COG1: variants seen among roughly 807,000 people sequenced by gnomAD.
COG1 encodes component of oligomeric golgi complex 1.
COG1 carries 61 observed loss-of-function variants against 102.2 expected under a neutral mutation model. That is an observed-to-expected ratio of 0.60 (90% CI 0.49 to 0.74). COG1 has a LOEUF of 0.74. COG1 is among the 30% of genes least tolerant of loss of function. The probability of loss-of-function intolerance (pLI) is 0.00; values close to 1 mark genes in which losing one functional copy is unlikely to be tolerated. For synonymous variants in COG1, 454 were observed against 493.6 expected (o/e 0.92, Z 1.06); for missense variants, 1,164 against 1,232.1 (o/e 0.94, Z 0.83).
intron 1 of COG1, among the ~76,000 whole-genome samples, chr17:73,195,630 A>G (rs1443317167): frequency 2.0e-5 from 3 of 151,224 alleles, no homozygotes; most frequent in Middle Eastern, 3.4e-3. Flanking sequence ...AAAAAAAAAA[A>G]AGGCTGGGCG....
chr17:73,203,064 C>T lies in COG1; in HGVS notation c.2138C>T (p.Ala713Val). 1 of 1,614,172 alleles carries T rather than the reference C, an allele frequency of 6.2e-7. No individual in the cohort carries two copies. The highest frequency in any genetic ancestry group is 1.3e-5 in the African/African-American group (1 of 75,048). ...LDDAGSVLAT[A>V]TSWDELEIQE... is the part of the protein sequence containing the mutation. ...GATGCTGGCTCAGTTCTGGCCACAG[C>T]CACCAGCTGGGATGAGCTAGAAATT... The change falls in exon 8 of 14, where the codon GCC (alanine) becomes GTC (valine). Residue 713 changes from alanine to valine, a missense_variant. Physicochemically the swap from Ala to Val is moderately conservative, Grantham distance 64. Coordinates refer to ENST00000299886, the MANE Select transcript of COG1 (RefSeq NM_018714.3).
At chr17:73,195,742 G>T (rs2061322806) in intron 1 of COG1, among the ~76,000 whole-genome samples, 1 of 152,108 alleles carries the variant, frequency 6.6e-6, no homozygotes, top group South Asian at 2.1e-4. Context: ...GTAAAACCCT[G>T]TCTCTACTGA....
chr17:73,200,909 G>T, intron 6 of COG1, 133 bp downstream of exon 6: 1 of 976,390 alleles, frequency 1.0e-6, no homozygotes, highest in Non-Finnish European at 1.6e-6. Flanking sequence ...GTCTAGAGCT[G>T]AAAATACACC....
chr17:73,203,258 CT>C, intron 8 of COG1, 112 bp downstream of exon 8: 1 of 1,361,742 alleles, frequency 7.3e-7, no homozygotes, highest in East Asian at 2.5e-5. Context: ...AAAGTAACAT[CT>C]GTAATTTTCT....
chr17:73,195,607 C>T (rs2061322053), intron 1 of COG1, among the ~76,000 whole-genome samples: 1 of 142,142 alleles, frequency 7.0e-6, no homozygotes, highest in Non-Finnish European at 1.5e-5. Flanking sequence ...AAGTGAGATG[C>T]TGTCCCAAAA....
At chr17:73,208,235 G>C (rs986678621) in intron 13 of COG1, 79 bp from the exon 14 acceptor site, 1 of 1,607,256 alleles carries the variant, frequency 6.2e-7, no homozygotes, top group Non-Finnish European at 8.5e-7. Flanking sequence ...TGTGGACTCC[G>C]AGTGGCGTCG....
At chr17:73,203,197 G>A in intron 8 of COG1, 51 bp downstream of exon 8, 4 of 1,603,336 alleles carry the variant, frequency 2.5e-6, no homozygotes, top group Non-Finnish European at 3.4e-6. Flanking sequence ...CCGTGGAAAA[G>A]AAGAAAGATT....
Position 73,205,549 on chromosome 17 carries a change from G to A in COG1, c.2383-4G>A, listed in dbSNP as rs1171392380. The A allele has an allele frequency of 3.7e-6, 6 of 1,613,972 alleles. No individual in the cohort carries two copies. Among genetic ancestry groups the A allele is most frequent in the African/African-American group, 1.3e-5 (1 of 74,914 alleles). ...ATGGGTGGGGACTGGGAATTCATTT[G>A]CAGAAAGAAGGTGCATTTCCAGTCA... On this transcript the variant is annotated splice_region_variant and splice_polypyrimidine_tract_variant and intron_variant, in intron 9 of 13. Coordinates refer to ENST00000299886, the MANE Select transcript of COG1 (RefSeq NM_018714.3).
chr17:73,203,323 G>A, intron 8 of COG1, 177 bp downstream of exon 8: 1 of 837,270 alleles, frequency 1.2e-6, no homozygotes, highest in Non-Finnish European at 1.9e-6. Flanking sequence ...TGTTCAAGAA[G>A]TCAGTTAACC....
chr17:73,206,890 G>A (rs1568299149), intron 12 of COG1, 73 bp downstream of exon 12: 3 of 1,066,958 alleles, frequency 2.8e-6, no homozygotes, highest in East Asian at 4.8e-5. Flanking sequence ...AGGAGATCGA[G>A]ACCATCCTGG....
chr17:73,208,298 C>A lies in COG1; in HGVS notation c.2806-16C>A. The A allele has an allele frequency of 6.2e-7, 1 of 1,612,906 alleles. No individual in the cohort carries two copies. Among genetic ancestry groups the A allele is most frequent in the Non-Finnish European group, 8.5e-7 (1 of 1,180,040 alleles). The stretch of plus-strand genomic sequence containing the variant: ...CAGGCCAACTCTAAGGCACTTTTCT[C>A]TACATCCAATGGCAGGTTGTCCCCC... On this transcript the variant is annotated splice_polypyrimidine_tract_variant and intron_variant, in intron 13 of 13. Transcript: ENST00000299886.
intron 13 of COG1, chr17:73,208,068 G>T (rs779085570): frequency 3.0e-4 from 422 of 1,401,274 alleles, no homozygotes; most frequent in Admixed American, 4.0e-4. Context: ...GTGGAGAGAA[G>T]TGCCTGTGTC....
chr17:73,205,771 T>C (rs966286812), intron 10 of COG1, 91 bp downstream of exon 10: 5 of 1,485,696 alleles, frequency 3.4e-6, no homozygotes, highest in African/African-American at 2.8e-5. Flanking sequence ...CAGCCTGTTA[T>C]ACTGCACATT....
At chr17:73,208,194 T>TC (rs1163348355) in intron 13 of COG1, 120 bp from the exon 14 acceptor site, 1 of 1,576,930 alleles carries the variant, frequency 6.3e-7, no homozygotes, top group African/African-American at 1.3e-5. Context: ...ACTAGAGCCA[T>TC]CGTGCTTCTC....
At chr17:73,203,204 G>A in intron 8 of COG1, 58 bp downstream of exon 8, 2 of 1,594,088 alleles carry the variant, frequency 1.3e-6, no homozygotes, top group South Asian at 2.2e-5. Context: ...AAAGAAGAAA[G>A]ATTTTAGAAA....
At chr17:73,199,133 C>T (rs746317246) in intron 4 of COG1, among the ~76,000 whole-genome samples, 43 of 152,282 alleles carry the variant, frequency 2.8e-4, no homozygotes, top group African/African-American at 6.3e-4. Context: ...ACACAGTGAA[C>T]GGGGCCTCCC....
chr17:73,206,589 A>C (rs1599332363), intron 11 of COG1, 119 bp from the exon 12 acceptor site: 1 of 766,326 alleles, frequency 1.3e-6, no homozygotes, highest in East Asian at 2.7e-5. Context: ...TGCACTCAGA[A>C]CATTCCCCAA....
rs759490050 is a variant in COG1, at chr17:73,201,261, G to C, written c.1434G>C (p.Glu478Asp). The C allele has an allele frequency of 2.5e-6, 4 of 1,614,214 alleles. No individual in the cohort carries two copies. The highest frequency in any genetic ancestry group is 2.2e-5 in the South Asian group (2 of 91,080). The change falls in exon 7 of 14, where the codon GAG (glutamate) becomes GAC (aspartate). Residue 478 changes from glutamate (E) to aspartate (D), a missense_variant. Physicochemically the swap from Glu to Asp is conservative, Grantham distance 45. Transcript: ENST00000299886. ...ACATGTCGCTCTTCCTCTGGTCTGA[G>C]AGTCCTAATGACCTGCCTTCCGATG... ...EYNMSLFLWS[E>D]SPNDLPSDAA...
Position 73,196,894 on chromosome 17 carries a change from T to C in COG1, c.561-6T>C, listed in dbSNP as rs1197833925. 1 of 1,614,250 alleles carries C rather than the reference T, an allele frequency of 6.2e-7. No homozygotes were observed. The highest frequency in any genetic ancestry group is 1.7e-5 in the Admixed American group (1 of 60,030). ...ACCCTGGCGACTTCTGTCATCATTT[T>C]TCTAGGTCAACTATTCTGCATGAAA... On this transcript the variant is annotated splice_polypyrimidine_tract_variant and splice_region_variant and intron_variant, in intron 2 of 13. Coordinates refer to ENST00000299886, the MANE Select transcript of COG1 (RefSeq NM_018714.3).
Sources: allele counts gnomAD v4.1 joint callset (sites outside exome capture counted in the v4.1 genomes callset), GRCh38; gene constraint gnomAD v4.1.1; transcripts MANE v1.5; gene names NCBI Gene and HGNC (gene_info 2026-07-23, HGNC 2026-07-21).